Variants in FUT8 observed in about 807,000 individuals in gnomAD.
The protein encoded by FUT8 is fucosyltransferase 8.
Under a neutral mutation model 71.3 loss-of-function variants are expected in FUT8, and 29 were observed. The observed-to-expected ratio is 0.41, with a 90% confidence interval of 0.30 to 0.55. The LOEUF (loss-of-function observed/expected upper bound fraction) is 0.55, where lower values mean the gene tolerates loss of function less well. FUT8 is among the 20% of genes least tolerant of loss of function. FUT8 has a pLI of 0.34. For synonymous variants in FUT8, 254 were observed against 239.3 expected, an observed-to-expected ratio of 1.06 and a Z score of -0.57; for missense variants, 544 against 702.1, an observed-to-expected ratio of 0.77 and a Z score of 2.55.
intron 2 of FUT8, among the ~76,000 whole-genome samples, chr14:65,520,609 G>A (rs969309622): frequency 2.0e-5 from 3 of 151,798 alleles, no homozygotes; most frequent in African/African-American, 4.8e-5. Context: ...AAATGTTATA[G>A]CAACCTTATT....
intron 7 of FUT8, among the ~76,000 whole-genome samples, chr14:65,696,722 A>G (rs1223303658): frequency 2.6e-5 from 4 of 151,870 alleles, no homozygotes; most frequent in Non-Finnish European, 5.9e-5. Flanking sequence ...CCTTTTGTAA[A>G]TTGTCCCACA....
At position 65,672,254 on chromosome 14, in the gene FUT8, G is replaced by A. The variant is rs77257772; in HGVS notation, c.835+2774G>A. On this transcript the variant is annotated intron_variant, in intron 7 of 10. Transcript: ENST00000673929. ...ATTTCCCATCACCTGTACATGCCAT[G>A]TCTATTCCTAATAGTTTATGTGCCC... 5.7e-3 allele frequency among the ~76,000 whole-genome samples: 874 copies of A among 152,248 alleles called. 31 individuals are homozygous for A. In the East Asian group the frequency reaches 0.093, roughly 16 times the overall value.
intron 5 of FUT8, chr14:65,616,964 C>A: frequency 9.0e-7 from 1 of 1,112,920 alleles, no homozygotes; most frequent in Non-Finnish European, 1.2e-6. Flanking sequence ...AGTTTATCTT[C>A]CACAGAAAAG....
chr14:65,591,908 AC>A (rs1243864576), intron 3 of FUT8, among the ~76,000 whole-genome samples: 1 of 151,346 alleles, frequency 6.6e-6, no homozygotes, highest in Non-Finnish European at 1.5e-5. Flanking sequence ...TGTGATTAAC[AC>A]CACAGGCAAG....
chr14:65,648,387 G>T (rs1421240771), intron 6 of FUT8, among the ~76,000 whole-genome samples: 1 of 152,130 alleles, frequency 6.6e-6, no homozygotes, highest in East Asian at 1.9e-4. Context: ...CTGAGCATAT[G>T]CCTTTGTCTG....
rs548847202 is a variant in FUT8, at chr14:65,607,497, A to G, written c.204-8481A>G. 2.0e-5 allele frequency among the ~76,000 whole-genome samples: 3 copies of G among 152,034 alleles called. No individual in the cohort carries two copies. Among genetic ancestry groups the G allele is most frequent in the Admixed American group, 2.0e-4 (3 of 15,248 alleles). On this transcript the variant is annotated intron_variant, in intron 3 of 10. Coordinates refer to ENST00000673929, the MANE Select transcript of FUT8 (RefSeq NM_001371533.1). This position sits in a 1 kb window ranked among gnomAD's most constrained non-coding sequence, Gnocchi z 4.1. Reference sequence around the variant, plus strand: ...GTTAATGTAATCAATTTAAATTAATAGTTTTTCTAATCGTAAACCAATGTA... The same window carrying G: ...GTTAATGTAATCAATTTAAATTAATGGTTTTTCTAATCGTAAACCAATGTA...
chr14:65,701,132 T>A (rs1226517522), intron 7 of FUT8, among the ~76,000 whole-genome samples: 1 of 152,256 alleles, frequency 6.6e-6, no homozygotes, highest in Non-Finnish European at 1.5e-5. Flanking sequence ...AATATTTGTA[T>A]TCATGTTGTG....
rs748022079 is a variant in FUT8 at position 65,608,693 on chromosome 14, A to G, written c.204-7285A>G. ...GTAGGCATCCTTAAAGGCTTTTAAAATAGGAATGAGGATCATCTACAGGAA... is the reference window on the plus strand; with the variant it reads ...GTAGGCATCCTTAAAGGCTTTTAAAGTAGGAATGAGGATCATCTACAGGAA... On this transcript the variant is annotated intron_variant, in intron 3 of 10. Transcript: ENST00000673929. Among the ~76,000 whole-genome samples, 28 of 151,954 alleles carry G rather than the reference A, an allele frequency of 1.8e-4. 1 individual carries two copies. Among genetic ancestry groups the G allele is most frequent in the Middle Eastern group, 6.3e-3 (2 of 316 alleles).
intron 1 of FUT8, among the ~76,000 whole-genome samples, chr14:65,438,873 G>C (rs771702202): frequency 6.6e-6 from 1 of 152,204 alleles, no homozygotes; most frequent in African/African-American, 2.4e-5. Context: ...TGCATTGCTA[G>C]TTATGTAGCA....
intron 7 of FUT8, among the ~76,000 whole-genome samples, chr14:65,701,613 T>A (rs1299739390): frequency 6.6e-6 from 1 of 152,232 alleles, no homozygotes; most frequent in Admixed American, 6.5e-5. Flanking sequence ...TGAGATAAGC[T>A]GTCTTTAGCT....
intron 5 of FUT8, among the ~76,000 whole-genome samples, chr14:65,626,037 A>G (rs1426481417): frequency 1.3e-5 from 2 of 152,092 alleles, no homozygotes; most frequent in Non-Finnish European, 2.9e-5. Flanking sequence ...TCATTGATCA[A>G]TCCCCCTTCT....
At chr14:65,678,975 A>G (rs544656690) in intron 7 of FUT8, among the ~76,000 whole-genome samples, 17 of 152,242 alleles carry the variant, frequency 1.1e-4, no homozygotes, top group African/African-American at 2.6e-4. Flanking sequence ...TTTCCTCTCT[A>G]GGTTTTGGGT....
chr14:65,422,414 T>C (rs921307875), intron 1 of FUT8, among the ~76,000 whole-genome samples: 4 of 152,184 alleles, frequency 2.6e-5, no homozygotes, highest in African/African-American at 9.6e-5. Flanking sequence ...TCCTTACTAA[T>C]GAATGTTTTT....
At chr14:65,738,060 T>C (rs1024945462) in intron 10 of FUT8, among the ~76,000 whole-genome samples, 1 of 152,078 alleles carries the variant, frequency 6.6e-6, no homozygotes, top group African/African-American at 2.4e-5. Flanking sequence ...ACTCTGTGAT[T>C]ACTTCCCAGA....
chr14:65,651,694 A>C (rs1053444631), intron 6 of FUT8, among the ~76,000 whole-genome samples: 1 of 152,208 alleles, frequency 6.6e-6, no homozygotes, highest in Non-Finnish European at 1.5e-5. Flanking sequence ...AAAGTAATAG[A>C]TGATATAAGG....
At chr14:65,608,644 T>C (rs1315410507) in intron 3 of FUT8, among the ~76,000 whole-genome samples, 2 of 152,000 alleles carry the variant, frequency 1.3e-5, no homozygotes, top group Non-Finnish European at 2.9e-5. Flanking sequence ...GAAATACATA[T>C]CAAATCTCAG....
chr14:65,369,659 C>T, the FUT8 span, among the ~76,000 whole-genome samples: 6,752 of 152,302 alleles, frequency 0.044, 200 homozygotes, highest in Non-Finnish European at 0.067. This position sits in a 1 kb window ranked among gnomAD's most constrained non-coding sequence, Gnocchi z 4.6. Context: ...TGCTAAGACT[C>T]TCCTACCAGA....
chr14:65,658,905 T>C (rs1279360623), intron 6 of FUT8, among the ~76,000 whole-genome samples: 1 of 152,096 alleles, frequency 6.6e-6, no homozygotes, highest in East Asian at 1.9e-4. Flanking sequence ...TAAAAAAGTC[T>C]GTAGTTAATA....
At chr14:65,360,176 A>G in the FUT8 span, among the ~76,000 whole-genome samples, 1 of 152,198 alleles carries the variant, frequency 6.6e-6, no homozygotes. Context: ...GCCCTCATGC[A>G]TCCTCTGATA....
Sources: allele counts gnomAD v4.1 joint callset (sites outside exome capture counted in the v4.1 genomes callset), GRCh38; gene constraint gnomAD v4.1.1; non-coding constraint Gnocchi (gnomAD v3.1); transcripts MANE v1.5; gene names NCBI Gene and HGNC (gene_info 2026-07-23, HGNC 2026-07-21).